The following TRIO variants were observed in gnomAD, a reference collection of about 807,000 sequenced individuals.
The protein encoded by TRIO is triple functional domain protein.
TRIO carries 58 observed loss-of-function variants against 351.9 expected under a neutral mutation model. That is an observed-to-expected ratio of 0.16 (90% CI 0.13 to 0.21). The LOEUF (loss-of-function observed/expected upper bound fraction) is 0.21. TRIO is among the 10% of genes least tolerant of loss of function. The pLI, the probability that TRIO is intolerant of heterozygous loss-of-function variation, is 1.00. For missense variants in TRIO, 3,201 were observed against 4,027.8 expected (o/e 0.79, Z 5.56); for synonymous variants, 1,758 against 1,595.7 (o/e 1.10, Z -2.42).
chr5:14,486,434 G>C (rs145162361), intron 47 of TRIO, among the ~76,000 whole-genome samples: 12 of 152,328 alleles, frequency 7.9e-5, no homozygotes, highest in African/African-American at 2.2e-4. Context: ...TTTCCATCCT[G>C]CTTGCAAGCT....
intron 34 of TRIO, among the ~76,000 whole-genome samples, chr5:14,433,610 G>C (rs1751357893): frequency 1.3e-5 from 2 of 152,120 alleles, no homozygotes; most frequent in Admixed American, 6.5e-5. Flanking sequence ...GACATTTCAG[G>C]GGCCCAGCAT....
Position 14,498,204 on chromosome 5 carries a change from T to C in TRIO, c.8163T>C (p.Pro2721=), listed in dbSNP as rs752329900. The C allele has an allele frequency of 5.0e-6, 8 of 1,614,232 alleles. No homozygotes were observed. The East Asian group carries it at 1.6e-4, about 31-fold the overall frequency. The change falls in exon 52 of 57, where the codon CCT becomes CCC. Residue 2721 remains proline (P), a synonymous_variant. Coordinates refer to ENST00000344204, the MANE Select transcript of TRIO (RefSeq NM_007118.4). ...AAGCCTCAATTACCTGGAAGGGCCC[T>C]GAACACAACACCTTGAACAACGATG... ...RPKASITWKG[P]EHNTLNNDGH...
intron 48 of TRIO, 192 bp downstream of exon 48, chr5:14,488,452 C>T (rs1396911915): frequency 3.9e-6 from 3 of 770,354 alleles, no homozygotes; most frequent in Non-Finnish European, 6.0e-6. Flanking sequence ...TTGCTTTGTT[C>T]GTGTCTTCTA....
intron 54 of TRIO, among the ~76,000 whole-genome samples, chr5:14,503,465 C>G (rs187416289): frequency 1.1e-4 from 16 of 152,250 alleles, no homozygotes; most frequent in Non-Finnish European, 2.1e-4. Flanking sequence ...GACCATTATT[C>G]TGTTGGCCTC....
intron 18 of TRIO, among the ~76,000 whole-genome samples, chr5:14,371,642 G>GT (rs1289456867): frequency 0.016 from 2,337 of 142,060 alleles, 29 homozygotes; most frequent in Non-Finnish European, 0.028. Context: ...TTCTGTAAAT[G>GT]TTTTTTTTTT....
At chr5:14,147,855 A>G (rs1363699711) in intron 1 of TRIO, among the ~76,000 whole-genome samples, 1 of 152,184 alleles carries the variant, frequency 6.6e-6, no homozygotes, top group African/African-American at 2.4e-5. Flanking sequence ...ACCAATAATG[A>G]TTGTATTACA....
At chr5:14,238,421 C>A (rs375536090) in intron 1 of TRIO, among the ~76,000 whole-genome samples, 4 of 152,346 alleles carry the variant, frequency 2.6e-5, no homozygotes, top group African/African-American at 9.6e-5. Flanking sequence ...CAAGTATCTG[C>A]TGTCCCATCT....
chr5:14,475,949 A>T (rs994369779), intron 40 of TRIO, among the ~76,000 whole-genome samples: 1 of 152,256 alleles, frequency 6.6e-6, no homozygotes, highest in Non-Finnish European at 1.5e-5. Flanking sequence ...AGCTGGACAT[A>T]TATCTTAAAA....
At chr5:14,265,497 A>G (rs1288958934) in intron 1 of TRIO, among the ~76,000 whole-genome samples, 1 of 152,224 alleles carries the variant, frequency 6.6e-6, no homozygotes, top group Non-Finnish European at 1.5e-5. Context: ...ATGTAAAAAT[A>G]CCATTTTTAA....
Position 14,486,183 on chromosome 5 carries a change from C to T in TRIO, c.6835+937C>T, listed in dbSNP as rs191179431. On this transcript the variant is annotated intron_variant, in intron 47 of 56. Coordinates refer to ENST00000344204, the MANE Select transcript of TRIO (RefSeq NM_007118.4). ...AGCAAAGAACTTTGAGAATTCAGTC[C>T]GAAGCTATGTGCCCATGTCATCTGT... Among the ~76,000 whole-genome samples, 220 of 152,262 alleles carry T rather than the reference C, an allele frequency of 1.4e-3. 1 individual carries two copies. The highest frequency in any genetic ancestry group is 3.3e-3 in the Admixed American group (50 of 15,296).
intron 8 of TRIO, among the ~76,000 whole-genome samples, chr5:14,310,928 C>T (rs191937846): frequency 1.6e-4 from 24 of 152,272 alleles, no homozygotes; most frequent in Admixed American, 1.6e-3. Flanking sequence ...TCAAGTGATC[C>T]GCCCACCTCG....
chr5:14,159,921 A>G (rs1788352915), intron 1 of TRIO, among the ~76,000 whole-genome samples: 1 of 152,238 alleles, frequency 6.6e-6, no homozygotes, highest in Non-Finnish European at 1.5e-5. Flanking sequence ...ATAGACCGAG[A>G]CATAGAGTAT....
intron 9 of TRIO, among the ~76,000 whole-genome samples, chr5:14,326,585 G>A (rs1190234724): frequency 1.3e-5 from 2 of 152,196 alleles, no homozygotes; most frequent in Non-Finnish European, 2.9e-5. Flanking sequence ...GCCGTGGGAA[G>A]GGATCAGCTT....
chr5:14,425,365 G>A (rs1750557244), intron 34 of TRIO, among the ~76,000 whole-genome samples: 2 of 152,164 alleles, frequency 1.3e-5, no homozygotes, highest in Admixed American at 6.5e-5. Context: ...AAGATTCCGT[G>A]TTCTGACTTT....
chr5:14,337,080 A>G (rs938243949), intron 11 of TRIO, among the ~76,000 whole-genome samples: 1 of 152,224 alleles, frequency 6.6e-6, no homozygotes. Flanking sequence ...GGCTGCCAAC[A>G]TGATTGCCTC....
intron 27 of TRIO, among the ~76,000 whole-genome samples, chr5:14,393,725 G>A (rs1043227453): frequency 2.4e-4 from 36 of 152,152 alleles, no homozygotes; most frequent in Non-Finnish European, 2.9e-5. Flanking sequence ...ACCTTTACAT[G>A]CAATACAGAT....
At position 14,488,303 on chromosome 5, in the gene TRIO, C is replaced by T. The variant is rs13161368; in HGVS notation, c.7632+43C>T. ...CCCGCGCCCTCCCGCCCCCCTGCCTCTGTCCCGCCAGCTCTAAACGCCACC... is the reference window on the plus strand; with the variant it reads ...CCCGCGCCCTCCCGCCCCCCTGCCTTTGTCCCGCCAGCTCTAAACGCCACC... On this transcript the variant is annotated intron_variant, in intron 48 of 56. Transcript: ENST00000344204. 3 of 1,517,648 alleles carry T rather than the reference C, an allele frequency of 2.0e-6. No individual in the cohort carries two copies. The East Asian group carries it at 7.4e-5, about 37-fold the overall frequency. 94.0% of individuals were successfully genotyped at this position (1,517,648 alleles called of 1,614,324 possible).
chr5:14,452,528 C>T (rs769860326), intron 34 of TRIO, among the ~76,000 whole-genome samples: 6 of 152,206 alleles, frequency 3.9e-5, no homozygotes, highest in Non-Finnish European at 7.3e-5. Context: ...CTTGAGTGTC[C>T]ACTCATCTGT....
chr5:14,316,818 G>A, intron 9 of TRIO, 75 bp downstream of exon 9: 1 of 1,444,262 alleles, frequency 6.9e-7, no homozygotes, highest in Non-Finnish European at 9.5e-7. Context: ...CATCATATTG[G>A]GAAGATCTGT....
Sources: allele counts gnomAD v4.1 joint callset (sites outside exome capture counted in the v4.1 genomes callset), GRCh38; gene constraint gnomAD v4.1.1; transcripts MANE v1.5; gene names NCBI Gene and HGNC (gene_info 2026-07-23, HGNC 2026-07-21).